Variants in DLGAP1 observed in about 807,000 individuals in gnomAD.
DLGAP1 encodes the protein DLG associated protein 1.
A neutral mutation model predicts 90.8 loss-of-function variants in DLGAP1; 11 were observed. The ratio of observed to expected loss-of-function variants is 0.12; its 90% confidence interval spans 0.08 to 0.20. The LOEUF (loss-of-function observed/expected upper bound fraction) is 0.20. DLGAP1 is among the 10% of genes least tolerant of loss of function. DLGAP1 has a pLI of 1.00. For synonymous variants in DLGAP1, 558 were observed against 540.7 expected (o/e 1.03, Z -0.44); for missense variants, 1,050 against 1,333.8 (o/e 0.79, Z 3.31).
intron 3 of DLGAP1, among the ~76,000 whole-genome samples, chr18:3,911,100 G>A (rs1418344297): frequency 6.6e-6 from 1 of 152,192 alleles, no homozygotes; most frequent in Non-Finnish European, 1.5e-5. Flanking sequence ...GAAAGTTTTA[G>A]ATGGTAAATG....
rs1382086200 is a variant in DLGAP1 at position 3,879,611 on chromosome 18, T to G, written c.458A>C (p.His153Pro). 2 of 1,603,058 alleles carry G rather than the reference T, an allele frequency of 1.2e-6. No individual in the cohort carries two copies. The highest frequency in any genetic ancestry group is 1.7e-6 in the Non-Finnish European group (2 of 1,178,640). ...HSVQKLFTKS[H>P]SLEGPSKGSV... ...GCCCTTGGACGGCCCCTCCAGGGAG[T>G]GCGACTTGGTGAAGAGCTTCTGGAC... Residue 153 changes from histidine (H) to proline (P), a missense_variant, in exon 4 of 13, where the codon CAC becomes CCC. By Grantham distance (77) the His-to-Pro change is moderately conservative. Around this residue, in one of 2 missense-constraint regions of DLGAP1, gnomAD observed 485 missense variants for 454.1 expected, o/e 1.07. Coordinates refer to ENST00000315677, the MANE Select transcript of DLGAP1 (RefSeq NM_004746.4). The surrounding 1 kb of genome is among the most constrained non-coding windows in gnomAD (Gnocchi z 6.6).
chr18:3,652,487 C>T (rs1468682635), intron 7 of DLGAP1, among the ~76,000 whole-genome samples: 1 of 147,422 alleles, frequency 6.8e-6, no homozygotes, highest in East Asian at 2.0e-4. Flanking sequence ...GCCACCACAA[C>T]CAGCTAACTT....
At chr18:3,971,611 T>C (rs1464068220) in intron 3 of DLGAP1, among the ~76,000 whole-genome samples, 1 of 152,232 alleles carries the variant, frequency 6.6e-6, no homozygotes, top group Non-Finnish European at 1.5e-5. Flanking sequence ...GCATTTTATA[T>C]TGTTCCAAGA....
At chr18:3,904,883 A>C (rs894288354) in intron 3 of DLGAP1, among the ~76,000 whole-genome samples, 1 of 152,128 alleles carries the variant, frequency 6.6e-6, no homozygotes, top group African/African-American at 2.4e-5. Flanking sequence ...TAATAAAAGC[A>C]TGTACCCCAC....
intron 2 of DLGAP1, among the ~76,000 whole-genome samples, chr18:4,080,763 T>A (rs1233514092): frequency 1.3e-5 from 2 of 152,174 alleles, no homozygotes; most frequent in Non-Finnish European, 2.9e-5. Context: ...CTATAGGCTG[T>A]TTTTGCTCAT....
At chr18:3,964,697 CA>C (rs2073283584) in intron 3 of DLGAP1, among the ~76,000 whole-genome samples, 1 of 152,130 alleles carries the variant, frequency 6.6e-6, no homozygotes, top group African/African-American at 2.4e-5. Context: ...CCTAACATAG[CA>C]ATGATACATG....
chr18:3,944,563 T>C (rs1486873822), intron 3 of DLGAP1, among the ~76,000 whole-genome samples: 1 of 152,118 alleles, frequency 6.6e-6, no homozygotes, highest in East Asian at 1.9e-4. Context: ...TAACACTGAC[T>C]CTCAGCTGCC....
intron 2 of DLGAP1, among the ~76,000 whole-genome samples, chr18:4,020,325 T>C (rs2074588972): frequency 6.6e-6 from 1 of 152,242 alleles, no homozygotes; most frequent in Non-Finnish European, 1.5e-5. Flanking sequence ...CTTTGAATTT[T>C]ATTTTTGGTT....
intron 1 of DLGAP1, among the ~76,000 whole-genome samples, chr18:4,327,759 T>G (rs918834030): frequency 7.2e-5 from 11 of 152,022 alleles, no homozygotes; most frequent in Non-Finnish European, 1.0e-4. Context: ...ATTTCCAGCT[T>G]CTGAAAACCA....
chr18:3,835,405 C>G (rs945468840), intron 4 of DLGAP1, among the ~76,000 whole-genome samples: 1 of 151,944 alleles, frequency 6.6e-6, no homozygotes, highest in Non-Finnish European at 1.5e-5. Context: ...AATCCCAGCA[C>G]TTTGGGAGGC....
Position 3,582,090 on chromosome 18 carries a change from A to G in DLGAP1, c.1750T>C (p.Ser584Pro), listed in dbSNP as rs1396473446. 6.2e-7 allele frequency: 1 copy of G among 1,613,466 alleles called. No homozygotes were observed. The highest frequency in any genetic ancestry group is 8.5e-7 in the Non-Finnish European group (1 of 1,179,888). Residue 584 changes from serine (S) to proline (P), a missense_variant, in exon 8 of 13, where the codon TCT (serine) becomes CCT (proline). Coordinates refer to ENST00000315677, the MANE Select transcript of DLGAP1 (RefSeq NM_004746.4). ...CTCTCGGTGGAGTTGCTGAGTCCAG[A>G]CTGGCTGATAATATCTCCTCGCTGG... is the stretch of plus-strand genomic sequence containing the variant. Reference protein sequence around the residue: ...QGQRGDIISQSGLSNSTESLD... With the variant: ...QGQRGDIISQPGLSNSTESLD...
chr18:3,847,547 A>G (rs1353013199), intron 4 of DLGAP1, among the ~76,000 whole-genome samples: 1 of 152,116 alleles, frequency 6.6e-6, no homozygotes, highest in Non-Finnish European at 1.5e-5. Flanking sequence ...AAGACAGAGG[A>G]GAATAAGATG....
At chr18:3,547,566 T>C (rs575715395) in intron 9 of DLGAP1, among the ~76,000 whole-genome samples, 64 of 146,826 alleles carry the variant, frequency 4.4e-4, no homozygotes, top group African/African-American at 1.5e-3. Flanking sequence ...CACAATGACA[T>C]GCCACTTCAT....
chr18:3,643,902 A>C (rs996404766), intron 7 of DLGAP1, among the ~76,000 whole-genome samples: 3 of 152,124 alleles, frequency 2.0e-5, no homozygotes, highest in African/African-American at 7.2e-5. Flanking sequence ...GTAATTTGGC[A>C]GACTTTTGCC....
chr18:3,869,526 A>G (rs543778751), intron 4 of DLGAP1, among the ~76,000 whole-genome samples: 1 of 152,340 alleles, frequency 6.6e-6, no homozygotes, highest in East Asian at 1.9e-4. Flanking sequence ...ACTGGACTCC[A>G]GCCTGGGTGA....
At chr18:4,201,665 T>A (rs922518491) in intron 1 of DLGAP1, among the ~76,000 whole-genome samples, 4 of 151,708 alleles carry the variant, frequency 2.6e-5, no homozygotes, top group African/African-American at 9.6e-5. Flanking sequence ...ATGGAAAAGA[T>A]GTGAACAGAC....
chr18:4,356,715 T>C (rs145276827), intron 1 of DLGAP1, among the ~76,000 whole-genome samples: 1 of 152,196 alleles, frequency 6.6e-6, no homozygotes, highest in African/African-American at 2.4e-5. Flanking sequence ...TACATGCCTG[T>C]TCCGTGCAGT....
chr18:3,942,358 G>A (rs923876674), intron 3 of DLGAP1, among the ~76,000 whole-genome samples: 3 of 152,304 alleles, frequency 2.0e-5, no homozygotes, highest in Non-Finnish European at 2.9e-5. Context: ...TGCTGGTGTC[G>A]GAAGGCAGGC....
chr18:3,926,643 T>C (rs2072397767), intron 3 of DLGAP1, among the ~76,000 whole-genome samples: 1 of 151,868 alleles, frequency 6.6e-6, no homozygotes, highest in African/African-American at 2.4e-5. Context: ...GAGCTCTCTA[T>C]ATATCTATAG....
Sources: gnomAD v4.1 joint callset for allele counts (sites outside exome capture counted in the v4.1 genomes callset) on GRCh38, gnomAD v4.1.1 for gene constraint, gnomAD v4.1.1 regional missense constraint, Gnocchi (gnomAD v3.1) non-coding constraint, MANE v1.5 for transcripts, NCBI Gene and HGNC (gene_info 2026-07-23, HGNC 2026-07-21) for gene names.